Variants in LAMC2 observed in about 807,000 individuals in gnomAD.
The protein encoded by LAMC2 is laminin subunit gamma 2.
A neutral mutation model predicts 140.2 loss-of-function variants in LAMC2; 97 were observed. That is an observed-to-expected ratio of 0.69 (90% CI 0.59 to 0.82). The LOEUF is 0.82. Ranked by LOEUF, LAMC2 falls within the 40% of genes least tolerant of loss-of-function variation. The pLI is 0.00. For missense variants in LAMC2, 1,402 were observed against 1,476.1 expected (o/e 0.95, Z 0.82); for synonymous variants, 513 against 540.2 (o/e 0.95, Z 0.70).
the LAMC2 span, chr1:183,251,512 T>A: frequency 2.0e-5 from 3 of 152,372 alleles, no homozygotes; most frequent in African/African-American, 7.2e-5. Context: ...TTTGTTTTGT[T>A]TTGTTTTTTT....
At chr1:183,248,862 C>A (rs183203450), downstream of LAMC2, 1 of 151,366 alleles carries the variant, frequency 6.6e-6, no homozygotes, top group Admixed American at 6.6e-5. Context: ...AATGTAATAA[C>A]ATGCTTCTCT....
At chr1:183,257,797 T>C in the LAMC2 span, among the ~76,000 whole-genome samples, 4 of 151,660 alleles carry the variant, frequency 2.6e-5, no homozygotes, top group Non-Finnish European at 1.5e-5. Context: ...TTTTTTTTTT[T>C]CAAAAAACCA....
At chr1:183,193,489 G>C (rs569644179) in intron 1 of LAMC2, among the ~76,000 whole-genome samples, 1 of 135,304 alleles carries the variant, frequency 7.4e-6, no homozygotes, top group East Asian at 2.3e-4. Context: ...TGGCCAGAAT[G>C]TTGACCATGT....
chr1:183,235,480 C>T, intron 15 of LAMC2, 95 bp from the exon 16 acceptor site: 1 of 1,365,762 alleles, frequency 7.3e-7, no homozygotes, highest in Non-Finnish European at 1.0e-6. Context: ...CTAAATCAGA[C>T]CAGCTCCCGT....
In LAMC2 at chr1:183,235,215, A is replaced by AG. The variant is rs150156514; in HGVS notation, c.2301-358dup. 6.0e-3 allele frequency among the ~76,000 whole-genome samples: 906 copies of AG among 152,254 alleles called. 11 individuals are homozygous for AG. The highest frequency in any genetic ancestry group is 0.021 in the African/African-American group (866 of 41,558). Reference sequence around the variant, plus strand: ...TTAGAGCTGAAGCGAAAGTGCGTAAAGGTTGGATCCTGGGTGAAATAAGAC... The same window carrying AG: ...TTAGAGCTGAAGCGAAAGTGCGTAAAGGGTTGGATCCTGGGTGAAATAAGAC... On this transcript the variant is annotated intron_variant, in intron 15 of 22. Transcript: ENST00000264144.
At chr1:183,256,902 C>A in the LAMC2 span, among the ~76,000 whole-genome samples, 3 of 152,014 alleles carry the variant, frequency 2.0e-5, no homozygotes, top group Non-Finnish European at 4.4e-5. Context: ...CAGTCACGTG[C>A]CACCATGCCT....
At chr1:183,194,065 G>A (rs1383835861) in intron 1 of LAMC2, among the ~76,000 whole-genome samples, 3 of 151,972 alleles carry the variant, frequency 2.0e-5, no homozygotes, top group Admixed American at 6.6e-5. Flanking sequence ...GATTACAGGC[G>A]CATGCCACCA....
At chr1:183,217,774 C>G (rs1659323533) in intron 3 of LAMC2, among the ~76,000 whole-genome samples, 1 of 152,128 alleles carries the variant, frequency 6.6e-6, no homozygotes, top group Non-Finnish European at 1.5e-5. Flanking sequence ...GTGGGGGACA[C>G]AACTGCTAAA....
chr1:183,246,131 C>T (rs1395206302), downstream of LAMC2, among the ~76,000 whole-genome samples: 1 of 147,202 alleles, frequency 6.8e-6, no homozygotes, highest in Non-Finnish European at 1.5e-5. Context: ...GCTCATGCCA[C>T]TGCTCTCCAG....
chr1:183,239,341 G>GTT, intron 19 of LAMC2, 23 bp from the exon 20 acceptor site: 1 of 1,612,770 alleles, frequency 6.2e-7, no homozygotes, highest in Non-Finnish European at 8.5e-7. Flanking sequence ...CTTCACGGCA[G>GTT]TTTTTTCTTT....
intron 1 of LAMC2, among the ~76,000 whole-genome samples, chr1:183,204,968 A>C (rs1007314906): frequency 9.9e-5 from 15 of 152,010 alleles, no homozygotes; most frequent in Non-Finnish European, 2.2e-4. Context: ...GATTACAGGC[A>C]CCTGCCACCA....
At chr1:183,207,344 T>A (rs1658916562) in intron 1 of LAMC2, among the ~76,000 whole-genome samples, 1 of 151,864 alleles carries the variant, frequency 6.6e-6, no homozygotes, top group Non-Finnish European at 1.5e-5. Context: ...ATGGGACACT[T>A]GGCTTTGGGA....
intron 1 of LAMC2, among the ~76,000 whole-genome samples, chr1:183,187,217 T>C (rs1658181512): frequency 6.6e-6 from 1 of 152,210 alleles, no homozygotes; most frequent in South Asian, 2.1e-4. Flanking sequence ...TCTGATGGCG[T>C]TTCAATCATT....
At chr1:183,229,909 T>G (rs1239191478) in intron 11 of LAMC2, among the ~76,000 whole-genome samples, 1 of 152,302 alleles carries the variant, frequency 6.6e-6, no homozygotes, top group East Asian at 1.9e-4. Flanking sequence ...AAAGCCCATA[T>G]GACACCAACA....
the LAMC2 span, among the ~76,000 whole-genome samples, chr1:183,255,115 A>C: frequency 6.6e-6 from 1 of 152,140 alleles, no homozygotes. Context: ...ATAAGGTCCA[A>C]TTTCATTCTT....
At chr1:183,237,299 G>A (rs780145791) in intron 17 of LAMC2, 53 bp from the exon 18 acceptor site, 12 of 1,601,272 alleles carry the variant, frequency 7.5e-6, no homozygotes, top group African/African-American at 5.4e-5. Flanking sequence ...AACAAGGCTG[G>A]TGTGGTAACT....
intron 2 of LAMC2, among the ~76,000 whole-genome samples, chr1:183,211,310 A>T (rs1659062330): frequency 6.6e-6 from 1 of 152,044 alleles, no homozygotes; most frequent in African/African-American, 2.4e-5. Context: ...TAAGTTTTTG[A>T]GGTCTATGTG....
chr1:183,221,660 C>T (rs1300478550), intron 5 of LAMC2, among the ~76,000 whole-genome samples: 3 of 151,350 alleles, frequency 2.0e-5, no homozygotes, highest in African/African-American at 4.9e-5. Flanking sequence ...ACCCGGGAGG[C>T]GGAGCTTGCA....
intron 1 of LAMC2, among the ~76,000 whole-genome samples, chr1:183,193,620 C>A (rs1225768131): frequency 6.6e-6 from 1 of 152,144 alleles, no homozygotes; most frequent in East Asian, 1.9e-4. Flanking sequence ...AATAGCCTGG[C>A]CTACTTTGGG....
Sources: allele counts gnomAD v4.1 joint callset (sites outside exome capture counted in the v4.1 genomes callset), GRCh38; gene constraint gnomAD v4.1.1; transcripts MANE v1.5; gene names NCBI Gene and HGNC (gene_info 2026-07-23, HGNC 2026-07-21).